Variants in DIAPH2 observed in about 807,000 individuals in gnomAD.
DIAPH2 encodes diaphanous related formin 2, also known as protein diaphanous homolog 2.
DIAPH2 carries 35 observed loss-of-function variants against 92.7 expected under a neutral mutation model. The ratio of observed to expected loss-of-function variants is 0.38; its 90% confidence interval spans 0.29 to 0.50. DIAPH2 has a LOEUF of 0.50. Among genes scored for constraint, DIAPH2 ranks in the 20% least tolerant of loss-of-function variants. The pLI, the probability that DIAPH2 is intolerant of heterozygous loss-of-function variation, is 0.94. For synonymous variants in DIAPH2, 301 were observed against 280.4 expected, an observed-to-expected ratio of 1.07 and a Z score of -0.73; for missense variants, 701 against 819.5, an observed-to-expected ratio of 0.86 and a Z score of 1.77.
At chrX:97,540,197 A>C (rs144076498) in intron 26 of DIAPH2, among the ~76,000 whole-genome samples, 224 of 112,165 alleles carry the variant, frequency 2.0e-3, no homozygotes, top group African/African-American at 5.9e-3. Context: ...ACAGAATAGA[A>C]ATATATGTAC....
At chrX:96,902,902 A>G (rs2065407732) in intron 5 of DIAPH2, among the ~76,000 whole-genome samples, 3 of 111,660 alleles carry the variant, frequency 2.7e-5, no homozygotes, top group South Asian at 7.4e-4. Flanking sequence ...TACATTGAGG[A>G]CCCAAGAAAA....
At chrX:97,165,659 A>ATT (rs199970468) in intron 22 of DIAPH2, among the ~76,000 whole-genome samples, 7 of 97,444 alleles carry the variant, frequency 7.2e-5, no homozygotes, top group Admixed American at 6.8e-4. Flanking sequence ...ATGCCCAGCA[A>ATT]TTTTTTTTTT....
intron 26 of DIAPH2, among the ~76,000 whole-genome samples, chrX:97,485,380 C>T (rs1247918156): frequency 3.6e-5 from 4 of 111,594 alleles, no homozygotes; most frequent in African/African-American, 1.3e-4. Context: ...ATTATATTTG[C>T]CCCACCTCAC....
intron 1 of DIAPH2, among the ~76,000 whole-genome samples, chrX:96,717,487 T>A (rs748976992): frequency 1.2e-3 from 128 of 108,857 alleles, no homozygotes; most frequent in African/African-American, 4.1e-3. Context: ...ATCCTCCCGA[T>A]AATTGACCCC....
intron 4 of DIAPH2, among the ~76,000 whole-genome samples, chrX:96,836,421 T>A (rs2064887045): frequency 9.2e-6 from 1 of 108,818 alleles, no homozygotes; most frequent in African/African-American, 3.4e-5. Flanking sequence ...GCATATTGAT[T>A]TCCATATAAT....
chrX:97,131,347 T>C (rs1267963793), intron 21 of DIAPH2, among the ~76,000 whole-genome samples: 1 of 112,034 alleles, frequency 8.9e-6, no homozygotes, highest in Non-Finnish European at 1.9e-5. Context: ...TGCTGAATTC[T>C]AATTACGCTT....
chrX:97,566,130 A>T (rs1386182619), intron 26 of DIAPH2, among the ~76,000 whole-genome samples: 1 of 112,069 alleles, frequency 8.9e-6, no homozygotes, highest in Non-Finnish European at 1.9e-5. Flanking sequence ...TTCCAGACTA[A>T]TGCGTGTTTT....
At chrX:97,293,747 G>C (rs1184592802) in intron 23 of DIAPH2, among the ~76,000 whole-genome samples, 2 of 111,383 alleles carry the variant, frequency 1.8e-5, no homozygotes, top group African/African-American at 3.3e-5. Context: ...TAAGCACTTA[G>C]ACTTAGTTAC....
chrX:97,388,971 A>G (rs1196330255), intron 25 of DIAPH2, among the ~76,000 whole-genome samples: 2 of 111,889 alleles, frequency 1.8e-5, no homozygotes, highest in East Asian at 5.6e-4. Flanking sequence ...ATCTGATTCA[A>G]TATCATTCTT....
At chrX:96,718,350 T>G (rs1486347811) in intron 1 of DIAPH2, among the ~76,000 whole-genome samples, 722 of 58,214 alleles carry the variant, frequency 0.012, no homozygotes, top group Non-Finnish European at 0.018. Context: ...TTTTTTTTTT[T>G]TTTTTTTTTT....
At chrX:97,402,183 G>A (rs2069764181) in intron 25 of DIAPH2, among the ~76,000 whole-genome samples, 1 of 104,900 alleles carries the variant, frequency 9.5e-6, no homozygotes, top group African/African-American at 3.4e-5. Flanking sequence ...AACTCAACAA[G>A]TGATAAGGAA....
chrX:97,366,146 C>G (rs1474268348), intron 24 of DIAPH2, among the ~76,000 whole-genome samples: 1 of 111,407 alleles, frequency 9.0e-6, no homozygotes, highest in Non-Finnish European at 1.9e-5. Context: ...ATAAAAGTAA[C>G]CAGCAAATAT....
chrX:97,236,787 A>G (rs1335985825), intron 22 of DIAPH2, among the ~76,000 whole-genome samples: 29 of 110,170 alleles, frequency 2.6e-4, no homozygotes, highest in African/African-American at 8.9e-4. Context: ...CTCGTGATCC[A>G]CCCGCCTCGG....
At chrX:96,827,716 C>T (rs1167091673) in intron 4 of DIAPH2, among the ~76,000 whole-genome samples, 2 of 112,117 alleles carry the variant, frequency 1.8e-5, no homozygotes, top group African/African-American at 3.2e-5. Context: ...AATTGTAAAA[C>T]ATAAGAACAG....
intron 17 of DIAPH2, among the ~76,000 whole-genome samples, chrX:96,992,406 G>C (rs950215096): frequency 1.8e-5 from 2 of 111,910 alleles, no homozygotes; most frequent in African/African-American, 6.5e-5. Flanking sequence ...CATGTTATTT[G>C]TCATAGTCCC....
intron 26 of DIAPH2, chrX:97,533,276 T>C (rs2071073353): frequency 9.0e-6 from 1 of 111,474 alleles, no homozygotes; most frequent in Non-Finnish European, 1.9e-5. Flanking sequence ...TAATCAACCA[T>C]CCATGTTCCA....
At chrX:97,418,389 T>C (rs988989742) in intron 25 of DIAPH2, among the ~76,000 whole-genome samples, 6 of 112,173 alleles carry the variant, frequency 5.3e-5, no homozygotes, top group African/African-American at 1.9e-4. Context: ...ATTTTTATAC[T>C]CCGTGGGCTG....
At chrX:97,266,593 T>C in intron 23 of DIAPH2, among the ~76,000 whole-genome samples, 1 of 112,012 alleles carries the variant, frequency 8.9e-6, no homozygotes, top group South Asian at 3.7e-4. Context: ...ACTTATGTAA[T>C]TCTCTGCCAT....
chrX:97,187,280 C>CT (rs1569323905), intron 22 of DIAPH2, among the ~76,000 whole-genome samples: 1 of 10,220 alleles, frequency 9.8e-5, no homozygotes, highest in African/African-American at 1.3e-4. Context: ...AATTAAGTAG[C>CT]CTTTTTTTTT....
Sources: gnomAD v4.1 joint callset for allele counts (sites outside exome capture counted in the v4.1 genomes callset) on GRCh38, gnomAD v4.1.1 for gene constraint, MANE v1.5 for transcripts, NCBI Gene and HGNC (gene_info 2026-07-23, HGNC 2026-07-21) for gene names.